Variants in CSMD1 observed in about 807,000 individuals in gnomAD.
CSMD1 encodes the protein CUB and Sushi multiple domains 1.
A neutral mutation model predicts 417.5 loss-of-function variants in CSMD1; 213 were observed. The ratio of observed to expected loss-of-function variants is 0.51; its 90% CI spans 0.46 to 0.57. The LOEUF (loss-of-function observed/expected upper bound fraction) is 0.57. Ranked by LOEUF, CSMD1 falls within the 20% of genes least tolerant of loss-of-function variation. CSMD1 has a pLI of 0.00. For synonymous variants in CSMD1, 2,862 were observed against 1,736.8 expected, an observed-to-expected ratio of 1.65 and a Z score of -16.11; for missense variants, 6,923 against 4,529.7, an observed-to-expected ratio of 1.53 and a Z score of -15.17.
At chr8:4,902,797 G>A (rs927649163) in intron 1 of CSMD1, among the ~76,000 whole-genome samples, 7 of 151,814 alleles carry the variant, frequency 4.6e-5, no homozygotes, top group South Asian at 2.1e-4. Flanking sequence ...CAGTTACCAG[G>A]TTCATGTGTA....
At chr8:4,057,098 G>A (rs1341047847) in intron 3 of CSMD1, among the ~76,000 whole-genome samples, 1 of 152,168 alleles carries the variant, frequency 6.6e-6, no homozygotes, top group East Asian at 1.9e-4. Context: ...CTAGATCCCT[G>A]AGGAATCGCC....
At chr8:3,669,124 A>G (rs959979986) in intron 7 of CSMD1, among the ~76,000 whole-genome samples, 7 of 152,256 alleles carry the variant, frequency 4.6e-5, no homozygotes, top group African/African-American at 1.4e-4. Context: ...TTAGTTAATT[A>G]TCCCTCAAGG....
intron 2 of CSMD1, among the ~76,000 whole-genome samples, chr8:4,530,741 A>G (rs1796770704): frequency 6.6e-6 from 1 of 151,196 alleles, no homozygotes; most frequent in African/African-American, 2.4e-5. Context: ...TATCTAGTAT[A>G]TCACTGATGG....
chr8:3,998,171 T>G, intron 4 of CSMD1, 61 bp from the exon 5 acceptor site: 1 of 1,411,512 alleles, frequency 7.1e-7, no homozygotes, highest in Non-Finnish European at 9.7e-7. Context: ...TACACGAGTG[T>G]GTCCACCAAG....
intron 26 of CSMD1, among the ~76,000 whole-genome samples, chr8:3,256,491 C>T (rs971080671): frequency 6.6e-6 from 1 of 152,142 alleles, no homozygotes; most frequent in Non-Finnish European, 1.5e-5. Context: ...GCTACTATAT[C>T]TATAGATATA....
intron 1 of CSMD1, among the ~76,000 whole-genome samples, chr8:4,688,175 G>C (rs1780405749): frequency 6.6e-6 from 1 of 152,112 alleles, no homozygotes; most frequent in Non-Finnish European, 1.5e-5. Flanking sequence ...GGAGTTTTTT[G>C]TGAGTGTACG....
intron 7 of CSMD1, among the ~76,000 whole-genome samples, chr8:3,619,918 A>C (rs887016867): frequency 6.6e-5 from 10 of 152,158 alleles, no homozygotes; most frequent in African/African-American, 1.7e-4. Flanking sequence ...CCTGGCCAAC[A>C]TAGTGAAACC....
chr8:4,162,372 T>C (rs1334588301), intron 3 of CSMD1, among the ~76,000 whole-genome samples: 1 of 152,220 alleles, frequency 6.6e-6, no homozygotes, highest in African/African-American at 2.4e-5. Context: ...GATGTTCAAA[T>C]GTTTTTTGGT....
chr8:3,315,681 A>G (rs753648631), intron 23 of CSMD1, among the ~76,000 whole-genome samples: 85 of 152,268 alleles, frequency 5.6e-4, no homozygotes, highest in Non-Finnish European at 9.4e-4. Context: ...GTTGTTGACA[A>G]TGTTTAAACA....
intron 3 of CSMD1, among the ~76,000 whole-genome samples, chr8:4,225,370 A>C (rs748659803): frequency 1.3e-5 from 2 of 152,192 alleles, no homozygotes; most frequent in African/African-American, 4.8e-5. Context: ...AACAATATAC[A>C]TCGTGTTTCT....
intron 2 of CSMD1, among the ~76,000 whole-genome samples, chr8:4,463,508 C>G (rs1423585680): frequency 2.2e-4 from 34 of 152,060 alleles, no homozygotes; most frequent in Admixed American, 2.2e-3. Context: ...GGAAACAATA[C>G]AAATGTCAGT....
At position 4,449,205 on chromosome 8, in the gene CSMD1, A is replaced by T. The variant is rs77295745; in HGVS notation, c.303-29140T>A. Among the ~76,000 whole-genome samples the T allele has an allele frequency of 4.2e-3, 645 of 152,322 alleles. 6 individuals are homozygous for T. Among genetic ancestry groups the T allele is most frequent in the African/African-American group, 0.015 (624 of 41,584 alleles). On this transcript the variant is annotated intron_variant, in intron 2 of 69. Transcript: ENST00000635120. Reference sequence around the variant, plus strand: ...GTACATTCTTCTACAATACAGTTTTACTTCTATTTTCTCAGAATAATTACA... The same window carrying T: ...GTACATTCTTCTACAATACAGTTTTTCTTCTATTTTCTCAGAATAATTACA...
At chr8:3,352,540 T>C (rs1192321350) in intron 21 of CSMD1, among the ~76,000 whole-genome samples, 3 of 152,182 alleles carry the variant, frequency 2.0e-5, no homozygotes, top group Non-Finnish European at 4.4e-5. Context: ...TGCATGTTCT[T>C]ATTACTATTA....
intron 5 of CSMD1, among the ~76,000 whole-genome samples, chr8:3,896,524 T>C (rs1425152038): frequency 6.6e-6 from 1 of 151,780 alleles, no homozygotes; most frequent in East Asian, 1.9e-4. Context: ...TTATTATTAT[T>C]ATTTTGAGAC....
intron 23 of CSMD1, among the ~76,000 whole-genome samples, chr8:3,311,874 T>A (rs1805378659): frequency 6.6e-6 from 1 of 152,208 alleles, no homozygotes; most frequent in African/African-American, 2.4e-5. Context: ...TTTATAGCCA[T>A]AAGCTCTACA....
chr8:3,748,927 G>T (rs1025588918), intron 6 of CSMD1, among the ~76,000 whole-genome samples: 1 of 152,126 alleles, frequency 6.6e-6, no homozygotes, highest in East Asian at 1.9e-4. Flanking sequence ...ATAAAAATTG[G>T]AATTTTATTA....
At chr8:3,707,365 C>T (rs180861514) in intron 7 of CSMD1, among the ~76,000 whole-genome samples, 153 of 152,164 alleles carry the variant, frequency 1.0e-3, no homozygotes, top group South Asian at 9.3e-3. Flanking sequence ...TGCTAGGCAA[C>T]GGAAAAACAA....
rs954454405 is a variant in CSMD1 at position 3,680,235 on chromosome 8, G to A, written c.1009+28179C>T. Among the ~76,000 whole-genome samples the A allele has an allele frequency of 7.9e-5, 12 of 151,888 alleles. No individual in the cohort carries two copies. In the East Asian group the frequency reaches 2.1e-3, roughly 27 times the overall value. On this transcript the variant is annotated intron_variant, in intron 7 of 69. Coordinates refer to ENST00000635120, the MANE Select transcript of CSMD1 (RefSeq NM_033225.6). ...ATACAAAAAAACCCTTCAAAAAATC[G>A]ATGAATCCAGGAGCTGGTTTTTTGA...
At chr8:3,779,426 G>T (rs1799060628) in intron 5 of CSMD1, among the ~76,000 whole-genome samples, 1 of 152,120 alleles carries the variant, frequency 6.6e-6, no homozygotes, top group East Asian at 1.9e-4. Context: ...GGAGCATCAA[G>T]AAAGATCGTT....
Sources: allele counts gnomAD v4.1 joint callset (sites outside exome capture counted in the v4.1 genomes callset), GRCh38; gene constraint gnomAD v4.1.1; transcripts MANE v1.5; gene names NCBI Gene and HGNC (gene_info 2026-07-23, HGNC 2026-07-21).